Variants in SEL1L2 observed in about 807,000 individuals in gnomAD.
The protein encoded by SEL1L2 is SEL1L2 adaptor subunit of SYVN1 ubiquitin ligase, also known as protein sel-1 homolog 2.
A neutral mutation model predicts 98.8 loss-of-function variants in SEL1L2; 89 were observed. That is an observed-to-expected ratio of 0.90 (90% CI 0.76 to 1.07). SEL1L2 has a LOEUF of 1.07. Among genes scored for constraint, SEL1L2 ranks in the 50% least tolerant of loss-of-function variants. SEL1L2 has a pLI of 0.00. For missense variants in SEL1L2, 788 were observed against 812.0 expected, an observed-to-expected ratio of 0.97 and a Z score of 0.36; for synonymous variants, 262 against 278.5, an observed-to-expected ratio of 0.94 and a Z score of 0.59.
intron 10 of SEL1L2, among the ~76,000 whole-genome samples, chr20:13,881,872 T>C (rs1432609791): frequency 1.3e-5 from 2 of 152,158 alleles, no homozygotes; most frequent in African/African-American, 4.8e-5. Flanking sequence ...CTGAGGACTA[T>C]AGTTAAAAAT....
intron 5 of SEL1L2, chr20:13,913,514 T>C: frequency 6.9e-6 from 2 of 290,976 alleles, no homozygotes. Context: ...AAAGTAAAAA[T>C]CATGCAAACA....
intron 5 of SEL1L2, among the ~76,000 whole-genome samples, chr20:13,912,578 T>C (rs979275121): frequency 2.6e-5 from 4 of 152,146 alleles, no homozygotes; most frequent in South Asian, 2.1e-4. Flanking sequence ...ATTACAGGCA[T>C]GAGCCACCGC....
rs1322799053 is a variant in SEL1L2, at chr20:13,885,366, C to A, written c.938G>T (p.Gly313Val). Residue 313 changes from glycine (G) to valine (V), a missense_variant, in exon 10 of 20, where the codon GGT (glycine) becomes GTT (valine). Physicochemically the swap from Gly to Val is moderately radical, Grantham distance 109. Coordinates refer to ENST00000284951, the MANE Select transcript of SEL1L2 (RefSeq NM_025229.2). ...ACTTACGTAGTAATCCTGATCTAGA[C>A]CTTTCCTGCCAATTAGATGTAATTG... is the stretch of plus-strand genomic sequence containing the variant. ...LGQLHLIGRK[G>V]LDQDYYKALH... 4 of 1,605,796 alleles carry A rather than the reference C, an allele frequency of 2.5e-6. No homozygotes were observed. The highest frequency in any genetic ancestry group is 3.3e-5 in the Admixed American group (2 of 60,008).
At chr20:13,928,484 C>T (rs1312606297) in intron 3 of SEL1L2, among the ~76,000 whole-genome samples, 1 of 152,182 alleles carries the variant, frequency 6.6e-6, no homozygotes, top group Non-Finnish European at 1.5e-5. Flanking sequence ...AGATTTTTAT[C>T]TTATCTATAT....
chr20:13,892,615 G>A (rs993972431), intron 5 of SEL1L2, among the ~76,000 whole-genome samples: 2 of 152,098 alleles, frequency 1.3e-5, no homozygotes, highest in African/African-American at 4.8e-5. Flanking sequence ...GAGAGGAAAA[G>A]AAGGACAAAA....
intron 1 of SEL1L2, among the ~76,000 whole-genome samples, chr20:13,956,802 G>A (rs1440094570): frequency 6.6e-6 from 1 of 151,996 alleles, no homozygotes; most frequent in Non-Finnish European, 1.5e-5. Context: ...GTCGGAAAAC[G>A]TGAGATGACA....
Position 13,859,350 on chromosome 20 carries a change from T to G in SEL1L2, c.1730A>C (p.His577Pro). Residue 577 changes from histidine (H) to proline (P), a missense_variant, in exon 18 of 20, where the codon CAC (histidine) becomes CCC (proline). Physicochemically the swap from His to Pro is moderately conservative, Grantham distance 77. Coordinates refer to ENST00000284951, the MANE Select transcript of SEL1L2 (RefSeq NM_025229.2). ...GTATTTGTTGGCTGCAATGCTGTAG[T>G]GTGTGGCTGCTGTTTGATAGTCTTT... Reference protein sequence around the residue: ...TKKDYQTAATHYSIAANKYHN... With the variant: ...TKKDYQTAATPYSIAANKYHN... 6.2e-7 allele frequency: 1 copy of G among 1,614,146 alleles called. No individual in the cohort carries two copies. The highest frequency in any genetic ancestry group is 2.2e-5 in the East Asian group (1 of 44,876).
intron 5 of SEL1L2, among the ~76,000 whole-genome samples, chr20:13,890,588 A>C (rs1271169854): frequency 6.6e-6 from 1 of 152,168 alleles, no homozygotes; most frequent in Non-Finnish European, 1.5e-5. Context: ...AATCGTAGCA[A>C]AATAATAACA....
At chr20:13,925,240 G>C (rs1037923799) in intron 3 of SEL1L2, among the ~76,000 whole-genome samples, 11 of 152,176 alleles carry the variant, frequency 7.2e-5, no homozygotes, top group Non-Finnish European at 1.5e-4. Context: ...GTCTTCCTTT[G>C]TGGGAATTGT....
intron 5 of SEL1L2, among the ~76,000 whole-genome samples, chr20:13,904,107 T>C (rs937748968): frequency 2.6e-5 from 4 of 152,226 alleles, no homozygotes; most frequent in African/African-American, 9.6e-5. Context: ...CAATTTCAAG[T>C]ACAAAGAACT....
intron 3 of SEL1L2, among the ~76,000 whole-genome samples, chr20:13,930,465 C>A (rs2049096571): frequency 6.6e-6 from 1 of 152,154 alleles, no homozygotes; most frequent in Non-Finnish European, 1.5e-5. Flanking sequence ...CCTGTCTACG[C>A]CTTTAGAAAT....
intron 1 of SEL1L2, among the ~76,000 whole-genome samples, chr20:13,969,021 T>C (rs893933650): frequency 6.6e-6 from 1 of 152,180 alleles, no homozygotes; most frequent in Non-Finnish European, 1.5e-5. Flanking sequence ...CCTCTAGAAA[T>C]AGGGCACTAA....
At chr20:13,990,427 A>G in intron 1 of SEL1L2, 50 bp downstream of exon 1, 1 of 1,324,032 alleles carries the variant, frequency 7.6e-7, no homozygotes, top group Non-Finnish European at 1.1e-6. Flanking sequence ...GCGCTGTTTG[A>G]GCAAAGAGAA....
At chr20:13,972,464 A>C (rs1248472632) in intron 1 of SEL1L2, among the ~76,000 whole-genome samples, 1 of 152,034 alleles carries the variant, frequency 6.6e-6, no homozygotes, top group African/African-American at 2.4e-5. Flanking sequence ...GCCTTTATTT[A>C]GATTTATCAT....
chr20:13,866,715 C>T lies in SEL1L2; in HGVS notation c.1391G>A (p.Arg464Lys). Residue 464 changes from arginine (R) to lysine (K), a missense_variant, in exon 15 of 20, where the codon AGA (arginine) becomes AAA (lysine). Arg to Lys is a conservative substitution (Grantham distance 26). Coordinates refer to ENST00000284951, the MANE Select transcript of SEL1L2 (RefSeq NM_025229.2). Reference sequence around the variant, plus strand: ...TATTATATTTACCTCCACAGCAGTTCTGCATGATCTTACTACTCCTGTTCC... The same window carrying T: ...TATTATATTTACCTCCACAGCAGTTTTGCATGATCTTACTACTCCTGTTCC... ...ATGTGVVRSC[R>K]TAVELYKGVC... The T allele has an allele frequency of 6.3e-7, 1 of 1,590,294 alleles. No homozygotes were observed. The highest frequency in any genetic ancestry group is 8.5e-7 in the Non-Finnish European group (1 of 1,171,476).
chr20:13,861,709 C>T (rs553728569), intron 17 of SEL1L2, among the ~76,000 whole-genome samples: 1 of 152,048 alleles, frequency 6.6e-6, no homozygotes, highest in Non-Finnish European at 1.5e-5. Flanking sequence ...GTGTAAAATC[C>T]TCCAATGACT....
chr20:13,972,583 G>A (rs1464979724), intron 1 of SEL1L2, among the ~76,000 whole-genome samples: 1 of 152,128 alleles, frequency 6.6e-6, no homozygotes, highest in African/African-American at 2.4e-5. Context: ...AGGGTTTGTA[G>A]GTGATAAATT....
At chr20:13,956,153 T>C (rs370552988) in intron 1 of SEL1L2, 22 bp from the exon 2 acceptor site, 1 of 1,316,684 alleles carries the variant, frequency 7.6e-7, no homozygotes, top group East Asian at 2.5e-5. Flanking sequence ...AAAATTTTTT[T>C]ATAAAATTTA....
chr20:13,885,311 C>A, intron 10 of SEL1L2, 36 bp downstream of exon 10: 1 of 1,400,848 alleles, frequency 7.1e-7, no homozygotes, highest in Admixed American at 1.7e-5. Flanking sequence ...CACTACCTTC[C>A]CCACCCCATT....
Sources: allele counts gnomAD v4.1 joint callset (sites outside exome capture counted in the v4.1 genomes callset), GRCh38; gene constraint gnomAD v4.1.1; transcripts MANE v1.5; gene names NCBI Gene and HGNC (gene_info 2026-07-23, HGNC 2026-07-21).